The following FUT8 variants were observed in gnomAD, a reference collection of about 807,000 sequenced individuals.
FUT8 encodes the protein alpha-(1,6)-fucosyltransferase.
A neutral mutation model predicts 71.3 loss-of-function variants in FUT8; 29 were observed. The ratio of observed to expected loss-of-function variants is 0.41; its 90% CI spans 0.30 to 0.55. The LOEUF is 0.55. Among genes scored for constraint, FUT8 ranks in the 20% least tolerant of loss-of-function variants. FUT8 has a pLI of 0.34. For synonymous variants in FUT8, 254 were observed against 239.3 expected, an observed-to-expected ratio of 1.06 and a Z score of -0.57; for missense variants, 544 against 702.1, an observed-to-expected ratio of 0.77 and a Z score of 2.55.
At chr14:65,470,238 C>G (rs2066119667) in intron 2 of FUT8, among the ~76,000 whole-genome samples, 1 of 152,246 alleles carries the variant, frequency 6.6e-6, no homozygotes, top group Non-Finnish European at 1.5e-5. Context: ...GCAGCGGGAA[C>G]AGGCATTTCC....
chr14:65,562,522 A>G (rs969893144), intron 3 of FUT8, among the ~76,000 whole-genome samples: 1 of 152,166 alleles, frequency 6.6e-6, no homozygotes, highest in South Asian at 2.1e-4. Context: ...GCAAGTAAAC[A>G]TAATATTACA....
chr14:65,368,024 A>T, the FUT8 span, among the ~76,000 whole-genome samples: 1 of 152,040 alleles, frequency 6.6e-6, no homozygotes, highest in African/African-American at 2.4e-5. Flanking sequence ...ACTTAAAAAA[A>T]AAGTAAAAGA....
chr14:65,580,756 A>G (rs1887047064), intron 3 of FUT8, among the ~76,000 whole-genome samples: 1 of 152,066 alleles, frequency 6.6e-6, no homozygotes, highest in Non-Finnish European at 1.5e-5. Context: ...TGTTCCTGCA[A>G]TATCTTATAT....
intron 2 of FUT8, among the ~76,000 whole-genome samples, chr14:65,499,490 T>C (rs2066611974): frequency 6.6e-6 from 1 of 152,062 alleles, no homozygotes; most frequent in Admixed American, 6.6e-5. Context: ...ATATCTACTT[T>C]ATAGGTGTGT....
Position 65,741,531 on chromosome 14 carries a change from C to T in FUT8, c.1411-562C>T, listed in dbSNP as rs534299504. Among the ~76,000 whole-genome samples the T allele has an allele frequency of 1.4e-4, 21 of 151,884 alleles. No individual in the cohort carries two copies. The South Asian group carries it at 3.9e-3, about 28-fold the overall frequency. ...TGTATACATATGTAACTAACCTGCA[C>T]GTTGTGCACGTGTACCCTAAAACTT... is the stretch of plus-strand genomic sequence containing the variant. On this transcript the variant is annotated intron_variant, in intron 10 of 10. Transcript: ENST00000673929.
At chr14:65,578,239 T>G (rs1219822923) in intron 3 of FUT8, among the ~76,000 whole-genome samples, 1 of 152,184 alleles carries the variant, frequency 6.6e-6, no homozygotes, top group Non-Finnish European at 1.5e-5. Flanking sequence ...ATGACTTCAA[T>G]AACTTCTTGA....
In FUT8 at chr14:65,692,601, G is replaced by C. The variant is rs532357766; in HGVS notation, c.835+23121G>C. 2.7e-5 allele frequency among the ~76,000 whole-genome samples: 4 copies of C among 150,778 alleles called. No homozygotes were observed. In the East Asian group the frequency reaches 6.0e-4, roughly 23 times the overall value. ...TCCCGGACGGGGCGGCTGGCTGGGC[G>C]GGGGGCTGACCCCCACCCCCCTCCC... On this transcript the variant is annotated intron_variant, in intron 7 of 10. Transcript: ENST00000673929.
intron 3 of FUT8, among the ~76,000 whole-genome samples, chr14:65,609,049 C>G (rs1888735943): frequency 6.6e-6 from 1 of 151,810 alleles, no homozygotes; most frequent in African/African-American, 2.4e-5. Flanking sequence ...AATCTCAGCA[C>G]TTTGGGAAGC....
the FUT8 span, among the ~76,000 whole-genome samples, chr14:65,361,093 C>T: frequency 4.6e-5 from 7 of 152,058 alleles, no homozygotes; most frequent in South Asian, 2.1e-4. Context: ...CATGGTGGCT[C>T]ATGCCTGTAA....
rs1345160877 is a variant in FUT8 at position 65,668,096 on chromosome 14, G to T, written c.598-1147G>T. ...GTCAAGATAGATAAAAGACTTAAAT[G>T]TAAAACCTAAAACCATAAAAACTCT... On this transcript the variant is annotated intron_variant, in intron 6 of 10. Transcript: ENST00000673929. Among the ~76,000 whole-genome samples the T allele has an allele frequency of 9.2e-5, 14 of 152,118 alleles. No homozygotes were observed. The East Asian group carries it at 2.7e-3, about 29-fold the overall frequency.
At position 65,602,341 on chromosome 14, in the gene FUT8, TCTCACACACACACACACACACACA is replaced by T. The variant is rs1168394159; in HGVS notation, c.204-13635_204-13612del. ...TTTCATGGCCGAGTAGCGTTCCATC[TCTCACACACACACACACACACACA>T]CACACACACACACACACACACACAC... On this transcript the variant is annotated intron_variant, in intron 3 of 10. Coordinates refer to ENST00000673929, the MANE Select transcript of FUT8 (RefSeq NM_001371533.1). 7.8e-3 allele frequency among the ~76,000 whole-genome samples: 393 copies of T among 50,064 alleles called. 10 individuals carry two copies. Among genetic ancestry groups the T allele is most frequent in the East Asian group, 0.052 (151 of 2,920 alleles). 32.8% of individuals were successfully genotyped at this position (50,064 alleles called of 152,430 possible).
the FUT8 span, among the ~76,000 whole-genome samples, chr14:65,357,571 G>A: frequency 6.6e-6 from 1 of 152,188 alleles, no homozygotes; most frequent in South Asian, 2.1e-4. Flanking sequence ...CTCCATCATA[G>A]GCTTGCCTCA....
At chr14:65,519,355 T>C (rs899021333) in intron 2 of FUT8, among the ~76,000 whole-genome samples, 8 of 152,232 alleles carry the variant, frequency 5.3e-5, no homozygotes, top group Non-Finnish European at 1.0e-4. Flanking sequence ...ATTTACCTAA[T>C]GTTGAATTAA....
intron 2 of FUT8, among the ~76,000 whole-genome samples, chr14:65,515,100 G>A (rs573987934): frequency 6.6e-6 from 1 of 152,172 alleles, no homozygotes; most frequent in South Asian, 2.1e-4. Context: ...ACTTTATGAA[G>A]TAGTGGTTGA....
rs570943317 is a variant in FUT8 at position 65,562,461 on chromosome 14, TAGA to T, written c.203+698_203+700del. ...TGTAAAAAATGTGACATATATCTAT[TAGA>T]AGGCATCAACTGTTTGAAAACCAAA... On this transcript the variant is annotated intron_variant, in intron 3 of 10. Coordinates refer to ENST00000673929, the MANE Select transcript of FUT8 (RefSeq NM_001371533.1). 3.3e-5 allele frequency among the ~76,000 whole-genome samples: 5 copies of T among 152,284 alleles called. No individual in the cohort carries two copies. The South Asian group carries it at 1.0e-3, about 32-fold the overall frequency.
At chr14:65,510,312 T>A (rs946403214) in intron 2 of FUT8, among the ~76,000 whole-genome samples, 2 of 152,136 alleles carry the variant, frequency 1.3e-5, no homozygotes, top group Non-Finnish European at 2.9e-5. Context: ...TTTTAATGTG[T>A]TGTTGAGTTC....
At position 65,421,336 on chromosome 14, in the gene FUT8, G is replaced by A. The variant is rs1000769884; in HGVS notation, c.-326+8122G>A. Among the ~76,000 whole-genome samples, 5 of 152,216 alleles carry A rather than the reference G, an allele frequency of 3.3e-5. No individual in the cohort carries two copies. In the South Asian group the frequency reaches 6.2e-4, roughly 19 times the overall value. On this transcript the variant is annotated intron_variant, in intron 1 of 10. Coordinates refer to ENST00000673929, the MANE Select transcript of FUT8 (RefSeq NM_001371533.1). ...AGAGGAGAAGGAAGCGGAGGAATTC[G>A]TCTTGTTGGTCTCAGCATGGTAGAG...
chr14:65,634,572 A>G (rs1284792811), intron 6 of FUT8, among the ~76,000 whole-genome samples: 1 of 151,234 alleles, frequency 6.6e-6, no homozygotes, highest in African/African-American at 2.4e-5. Context: ...AAAAAAAAAA[A>G]AAAAAAAAAG....
chr14:65,613,448 G>A (rs543797127), intron 3 of FUT8, among the ~76,000 whole-genome samples: 1 of 152,164 alleles, frequency 6.6e-6, no homozygotes, highest in African/African-American at 2.4e-5. Flanking sequence ...CTATATACCA[G>A]GACATGCCTC....
Sources: gnomAD v4.1 joint callset for allele counts (sites outside exome capture counted in the v4.1 genomes callset) on GRCh38, gnomAD v4.1.1 for gene constraint, MANE v1.5 for transcripts, NCBI Gene and HGNC (gene_info 2026-07-23, HGNC 2026-07-21) for gene names.